PTPRT: variants seen among roughly 807,000 people sequenced by gnomAD.
The protein encoded by PTPRT is receptor-type tyrosine-protein phosphatase T.
Under a neutral mutation model 176.8 loss-of-function variants are expected in PTPRT, and 56 were observed. That is an observed-to-expected ratio of 0.32 (90% CI 0.26 to 0.40). The LOEUF (loss-of-function observed/expected upper bound fraction) is 0.40, where lower values mean the gene tolerates loss of function less well. PTPRT is among the 10% of genes least tolerant of loss of function. The pLI is 1.00. For synonymous variants in PTPRT, 783 were observed against 739.0 expected (o/e 1.06, Z -0.96); for missense variants, 1,540 against 1,908.2 (o/e 0.81, Z 3.60).
At chr20:42,655,321 T>C (rs1360654874) in intron 7 of PTPRT, among the ~76,000 whole-genome samples, 2 of 152,094 alleles carry the variant, frequency 1.3e-5, no homozygotes, top group Non-Finnish European at 2.9e-5. Flanking sequence ...TGAAACCTTG[T>C]CTCTATTAAA....
At chr20:43,071,033 C>T (rs2011173829) in intron 1 of PTPRT, among the ~76,000 whole-genome samples, 1 of 150,754 alleles carries the variant, frequency 6.6e-6, no homozygotes, top group Non-Finnish European at 1.5e-5. Context: ...TACCACAGAG[C>T]AGTGGCCAAT....
chr20:42,507,613 T>C (rs938349966), intron 7 of PTPRT, among the ~76,000 whole-genome samples: 1 of 152,174 alleles, frequency 6.6e-6, no homozygotes, highest in African/African-American at 2.4e-5. Flanking sequence ...ACATGAAATG[T>C]ACAGCACAAT....
At chr20:42,204,257 G>T (rs748332239) in intron 15 of PTPRT, among the ~76,000 whole-genome samples, 4 of 151,824 alleles carry the variant, frequency 2.6e-5, no homozygotes, top group African/African-American at 9.7e-5. Flanking sequence ...GATTTCCCCC[G>T]CAGAGCCCAC....
chr20:42,511,761 G>T (rs1252664030), intron 7 of PTPRT, among the ~76,000 whole-genome samples: 1 of 151,186 alleles, frequency 6.6e-6, no homozygotes, highest in East Asian at 1.9e-4. Flanking sequence ...CCAATGTCTT[G>T]GCAAGGTCTA....
chr20:42,797,311 C>T (rs1284734156), intron 2 of PTPRT, among the ~76,000 whole-genome samples: 1 of 152,174 alleles, frequency 6.6e-6, no homozygotes, highest in Non-Finnish European at 1.5e-5. Flanking sequence ...CAACGACTTC[C>T]TAAGCAGTCT....
At chr20:42,253,434 T>C (rs11907532) in intron 13 of PTPRT, among the ~76,000 whole-genome samples, 8,516 of 152,110 alleles carry the variant, frequency 0.056, 769 homozygotes, top group African/African-American at 0.19. Flanking sequence ...CCCAAGCATA[T>C]CCTTTCCATG....
chr20:42,443,781 G>A (rs909165621), intron 9 of PTPRT, among the ~76,000 whole-genome samples: 1 of 152,166 alleles, frequency 6.6e-6, no homozygotes, highest in African/African-American at 2.4e-5. Flanking sequence ...TAAAAAGAGG[G>A]TGTCAAAGCT....
intron 12 of PTPRT, among the ~76,000 whole-genome samples, chr20:42,304,038 T>C (rs186658217): frequency 1.3e-5 from 2 of 152,320 alleles, no homozygotes; most frequent in Admixed American, 1.3e-4. Flanking sequence ...AGGACCATGA[T>C]GTAAAAGATG....
intron 2 of PTPRT, among the ~76,000 whole-genome samples, chr20:42,796,065 G>A (rs1436514487): frequency 2.0e-5 from 3 of 152,114 alleles, no homozygotes; most frequent in South Asian, 4.2e-4. Flanking sequence ...CAAGGAATAC[G>A]AAGGAACAGA....
intron 1 of PTPRT, among the ~76,000 whole-genome samples, chr20:43,020,690 C>T (rs1006676867): frequency 3.9e-5 from 6 of 152,132 alleles, no homozygotes; most frequent in African/African-American, 9.7e-5. Context: ...CCCATGCACA[C>T]GTGACATGCA....
At chr20:42,300,759 T>C (rs2057454358) in intron 12 of PTPRT, among the ~76,000 whole-genome samples, 1 of 142,066 alleles carries the variant, frequency 7.0e-6, no homozygotes, top group South Asian at 2.1e-4. Context: ...TTTATTTGTA[T>C]TATTATTATT....
At chr20:42,508,973 T>G (rs940884545) in intron 7 of PTPRT, among the ~76,000 whole-genome samples, 5 of 133,338 alleles carry the variant, frequency 3.7e-5, no homozygotes, top group African/African-American at 1.4e-4. Context: ...AGATATAAAT[T>G]ATATAATTTA....
intron 1 of PTPRT, among the ~76,000 whole-genome samples, chr20:43,188,437 T>G (rs6016973): frequency 4.6e-5 from 7 of 152,228 alleles, no homozygotes; most frequent in African/African-American, 1.7e-4. Context: ...CGGAATGTCC[T>G]TCCAGCGGCC....
At chr20:42,406,257 A>G (rs1220889050) in intron 9 of PTPRT, among the ~76,000 whole-genome samples, 1 of 152,092 alleles carries the variant, frequency 6.6e-6, no homozygotes, top group Non-Finnish European at 1.5e-5. Flanking sequence ...TCTAAATAAA[A>G]TCAAAGGTCG....
chr20:42,179,522 C>A (rs186305613), intron 16 of PTPRT, among the ~76,000 whole-genome samples: 2 of 152,110 alleles, frequency 1.3e-5, no homozygotes, highest in Admixed American at 1.3e-4. Flanking sequence ...AATTGACAGC[C>A]AATTCCAGTA....
chr20:42,550,662 G>A (rs555258916), intron 7 of PTPRT, among the ~76,000 whole-genome samples: 14 of 152,082 alleles, frequency 9.2e-5, no homozygotes, highest in Non-Finnish European at 1.9e-4. Context: ...ATTGCATTGC[G>A]GGGCTAAGCT....
intron 15 of PTPRT, among the ~76,000 whole-genome samples, chr20:42,210,876 C>T (rs1268638039): frequency 6.6e-6 from 1 of 152,108 alleles, no homozygotes; most frequent in Non-Finnish European, 1.5e-5. Flanking sequence ...GGAGGCATCA[C>T]ACTACCTGAC....
intron 9 of PTPRT, among the ~76,000 whole-genome samples, chr20:42,387,431 G>C (rs1420687032): frequency 2.0e-5 from 3 of 152,158 alleles, no homozygotes; most frequent in Non-Finnish European, 4.4e-5. Context: ...TTGTTTAAAG[G>C]GGCAGCAACA....
chr20:42,689,554 C>A (rs536070174), intron 6 of PTPRT, among the ~76,000 whole-genome samples: 1 of 152,320 alleles, frequency 6.6e-6, no homozygotes, highest in East Asian at 1.9e-4. Context: ...TAAGGGAAAT[C>A]TCTCATTTCA....
Sources: allele counts gnomAD v4.1 joint callset (sites outside exome capture counted in the v4.1 genomes callset), GRCh38; gene constraint gnomAD v4.1.1; transcripts MANE v1.5; gene names NCBI Gene and HGNC (gene_info 2026-07-23, HGNC 2026-07-21).